PTPRN2: variants seen among roughly 807,000 people sequenced by gnomAD.
PTPRN2 encodes protein tyrosine phosphatase receptor type N2, also known as receptor-type tyrosine-protein phosphatase N2.
PTPRN2 carries 74 observed loss-of-function variants against 118.8 expected under a neutral mutation model. That is an observed-to-expected ratio of 0.62 (90% CI 0.52 to 0.76). The LOEUF is 0.76. Ranked by LOEUF, PTPRN2 falls within the 30% of genes least tolerant of loss-of-function variation. The pLI is 0.00. For synonymous variants in PTPRN2, 641 were observed against 608.0 expected (o/e 1.05, Z -0.80); for missense variants, 1,481 against 1,394.4 (o/e 1.06, Z -0.99).
intron 2 of PTPRN2, among the ~76,000 whole-genome samples, chr7:158,326,654 TCA>T (rs150080029): frequency 2.1e-5 from 3 of 144,816 alleles, no homozygotes; most frequent in African/African-American, 7.9e-5. Flanking sequence ...TCACACATGC[TCA>T]CACTCTCACA....
At chr7:157,954,912 T>C (rs1440588077) in intron 11 of PTPRN2, among the ~76,000 whole-genome samples, 1 of 152,216 alleles carries the variant, frequency 6.6e-6, no homozygotes, top group African/African-American at 2.4e-5. Flanking sequence ...ATTAAAAGAA[T>C]AATAAACCGA....
At chr7:157,735,058 C>G (rs557046303) in intron 12 of PTPRN2, among the ~76,000 whole-genome samples, 2 of 152,224 alleles carry the variant, frequency 1.3e-5, no homozygotes, top group African/African-American at 4.8e-5. Flanking sequence ...CCGCTGGCAC[C>G]GAGAGCACCT....
chr7:157,594,526 C>T (rs1413118500), intron 17 of PTPRN2, among the ~76,000 whole-genome samples: 1 of 152,212 alleles, frequency 6.6e-6, no homozygotes, highest in Non-Finnish European at 1.5e-5. Context: ...CACCTTCGTC[C>T]CCAGCTCGAC....
At chr7:157,982,720 TA>T (rs1803382712) in intron 11 of PTPRN2, among the ~76,000 whole-genome samples, 3 of 70,736 alleles carry the variant, frequency 4.2e-5, no homozygotes, top group Admixed American at 2.0e-4. Context: ...GGTTCCCCCC[TA>T]AACCCCGAGT....
intron 1 of PTPRN2, among the ~76,000 whole-genome samples, chr7:158,545,566 C>T (rs1826230000): frequency 6.6e-6 from 1 of 152,172 alleles, no homozygotes; most frequent in African/African-American, 2.4e-5. Context: ...GGGCTGTTCA[C>T]ACCCCGCTCC....
intron 14 of PTPRN2, among the ~76,000 whole-genome samples, chr7:157,625,596 C>T (rs1014823107): frequency 2.0e-5 from 3 of 151,480 alleles, no homozygotes; most frequent in East Asian, 1.9e-4. Context: ...AGGAGGGGGG[C>T]GAGGGATAAA....
At chr7:158,584,543 C>T (rs1297099343) in intron 1 of PTPRN2, among the ~76,000 whole-genome samples, 1 of 152,158 alleles carries the variant, frequency 6.6e-6, no homozygotes, top group Admixed American at 6.5e-5. Flanking sequence ...GCCATGTTCC[C>T]CTGTGTTCAG....
At chr7:157,608,552 C>T (rs1466481376) in intron 15 of PTPRN2, among the ~76,000 whole-genome samples, 1 of 152,180 alleles carries the variant, frequency 6.6e-6, no homozygotes, top group Non-Finnish European at 1.5e-5. Flanking sequence ...TTTTGTGATT[C>T]TCTTACTTTT....
At chr7:157,965,406 C>A (rs1052808064) in intron 11 of PTPRN2, among the ~76,000 whole-genome samples, 1 of 152,194 alleles carries the variant, frequency 6.6e-6, no homozygotes, top group Admixed American at 6.5e-5. Context: ...GCACCGCAAG[C>A]ATCTCACCAT....
chr7:158,084,070 C>A (rs1342690605), intron 10 of PTPRN2, among the ~76,000 whole-genome samples: 3 of 152,186 alleles, frequency 2.0e-5, no homozygotes, highest in Non-Finnish European at 4.4e-5. Flanking sequence ...TGTGGCAAGG[C>A]CCACAGGTCC....
chr7:157,604,979 G>A (rs1037478039), intron 15 of PTPRN2, among the ~76,000 whole-genome samples: 7 of 152,246 alleles, frequency 4.6e-5, no homozygotes, highest in East Asian at 1.9e-4. Flanking sequence ...GTGTGTGGCC[G>A]CTTCCTTCTC....
chr7:158,547,217 A>G (rs767139399), intron 1 of PTPRN2, among the ~76,000 whole-genome samples: 1 of 152,118 alleles, frequency 6.6e-6, no homozygotes, highest in African/African-American at 2.4e-5. Context: ...TTAATATACA[A>G]TTCTGTGGCA....
At chr7:157,955,093 T>A (rs1234417261) in intron 11 of PTPRN2, among the ~76,000 whole-genome samples, 1 of 152,048 alleles carries the variant, frequency 6.6e-6, no homozygotes, top group East Asian at 1.9e-4. Flanking sequence ...GGAGATGCAG[T>A]CCAGAAAGAC....
chr7:158,327,894 C>T (rs992988567), intron 2 of PTPRN2, among the ~76,000 whole-genome samples: 2 of 152,162 alleles, frequency 1.3e-5, no homozygotes, highest in East Asian at 3.9e-4. Flanking sequence ...CTCAAAGCAG[C>T]ACCACAGACG....
intron 12 of PTPRN2, among the ~76,000 whole-genome samples, chr7:157,896,198 C>T (rs1049620461): frequency 1.3e-4 from 19 of 147,968 alleles, no homozygotes; most frequent in African/African-American, 4.6e-4. Flanking sequence ...CCAGATCCCC[C>T]AATCCAAGCA....
chr7:157,550,190 C>G lies in PTPRN2; in HGVS notation c.2903-1171G>C, dbSNP rs955797900. Among the ~76,000 whole-genome samples, 1 of 152,220 alleles carries G rather than the reference C, an allele frequency of 6.6e-6. No individual in the cohort carries two copies. The highest frequency in any genetic ancestry group is 1.5e-5 in the Non-Finnish European group (1 of 68,038). ...AAAATTCCCGAGGTTCCTCAATTTC[C>G]TTTCCCTGTGGTTCTGTGGCTTCAT... On this transcript the variant is annotated intron_variant, in intron 21 of 22. Coordinates refer to ENST00000389418, the MANE Select transcript of PTPRN2 (RefSeq NM_002847.5). This position sits in a 1 kb window ranked among gnomAD's most constrained non-coding sequence, Gnocchi z 5.2.
intron 11 of PTPRN2, among the ~76,000 whole-genome samples, chr7:157,913,274 C>G (rs1798200741): frequency 6.6e-6 from 1 of 152,178 alleles, no homozygotes; most frequent in Non-Finnish European, 1.5e-5. Flanking sequence ...ATACAGCACC[C>G]TTCCTAAACT....
chr7:158,571,081 T>C (rs1828004128), intron 1 of PTPRN2, among the ~76,000 whole-genome samples: 1 of 152,210 alleles, frequency 6.6e-6, no homozygotes. Context: ...TTTCATTTGA[T>C]TTTATTTCAT....
chr7:158,211,734 T>C (rs1218685755), intron 3 of PTPRN2, among the ~76,000 whole-genome samples: 1 of 152,076 alleles, frequency 6.6e-6, no homozygotes, highest in Admixed American at 6.6e-5. Flanking sequence ...GGCGAGGATA[T>C]AGGAAAAAGG....
Sources: allele counts gnomAD v4.1 joint callset (sites outside exome capture counted in the v4.1 genomes callset), GRCh38; gene constraint gnomAD v4.1.1; non-coding constraint Gnocchi (gnomAD v3.1); transcripts MANE v1.5; gene names NCBI Gene and HGNC (gene_info 2026-07-23, HGNC 2026-07-21).